Variants in TNFRSF13B observed in about 807,000 individuals in gnomAD.
TNFRSF13B encodes the protein tumor necrosis factor receptor superfamily member 13B.
A neutral mutation model predicts 24.0 loss-of-function variants in TNFRSF13B; 34 were observed. That is an observed-to-expected ratio of 1.41 (90% CI 1.08 to 1.88). TNFRSF13B has a LOEUF of 1.88. Among genes scored for constraint, TNFRSF13B ranks in the 40% most tolerant of loss-of-function variants. TNFRSF13B has a pLI of 0.00. For synonymous variants in TNFRSF13B, 173 were observed against 150.3 expected (o/e 1.15, Z -1.10); for missense variants, 415 against 380.8 (o/e 1.09, Z -0.75).
intron 1 of TNFRSF13B, among the ~76,000 whole-genome samples, chr17:16,971,522 G>T (rs951668004): frequency 4.6e-5 from 7 of 152,170 alleles, no homozygotes; most frequent in Admixed American, 1.3e-4. Context: ...AAAGACATTG[G>T]TGAGACAGTT....
Position 16,945,293 on chromosome 17 carries a change from TGGCAAGGGG to T in TNFRSF13B, c.445+3436_445+3444del, listed in dbSNP as rs148468738. On this transcript the variant is annotated intron_variant, in intron 3 of 4. Transcript: ENST00000261652. ...CTCCAAGGTTCTGCCCAGTGCCCTC[TGGCAAGGGG>T]GCTTGGCTGATGGTCACACACATGA... 6.8e-3 allele frequency among the ~76,000 whole-genome samples: 1,043 copies of T among 152,324 alleles called. 11 individuals are homozygous for T. The highest frequency in any genetic ancestry group is 0.024 in the African/African-American group (1,002 of 41,574).
At chr17:16,945,672 G>A (rs1456546584) in intron 3 of TNFRSF13B, among the ~76,000 whole-genome samples, 1 of 152,200 alleles carries the variant, frequency 6.6e-6, no homozygotes, top group Non-Finnish European at 1.5e-5. Flanking sequence ...ATGGCCCCTC[G>A]CATCTGTGGC....
chr17:16,966,839 C>CTT (rs71152837), intron 1 of TNFRSF13B, among the ~76,000 whole-genome samples: 5 of 47,296 alleles, frequency 1.1e-4, no homozygotes, highest in Non-Finnish European at 1.7e-4. Flanking sequence ...TTTCTTTTTT[C>CTT]TTTTTTTTTT....
chr17:16,953,482 G>A (rs1049322568), intron 1 of TNFRSF13B, among the ~76,000 whole-genome samples: 2 of 152,140 alleles, frequency 1.3e-5, no homozygotes, highest in Admixed American at 6.5e-5. Context: ...AGCCTCCCTG[G>A]GGTCCCCCGA....
chr17:16,971,949 G>A (rs1179930624), intron 1 of TNFRSF13B, 66 bp downstream of exon 1: 12 of 1,551,378 alleles, frequency 7.7e-6, no homozygotes, highest in Admixed American at 5.0e-5. Context: ...CAACCCCCAC[G>A]GCACTCAGGC....
At chr17:16,967,751 C>CAAAAAAAAAAAAAAAAAA (rs975103327) in intron 1 of TNFRSF13B, among the ~76,000 whole-genome samples, 2 of 24,500 alleles carry the variant, frequency 8.2e-5, no homozygotes, top group Admixed American at 5.0e-4. Flanking sequence ...GACTCCGTCT[C>CAAAAAAAAAAAAAAAAAA]AAAAAAAAAA....
Position 16,939,651 on chromosome 17 carries a change from C to T in TNFRSF13B, c.778G>A (p.Gly260Arg), listed in dbSNP as rs1472488426. ...AGGACTGTGGTCCTGGTGTGGCACC[C>T]CCACCTTCCAGCACAAGTGGGGTCG... ...TPDPTCAGRW[G>R]CHTRTTVLQP... Residue 260 changes from glycine (G) to arginine (R), a missense_variant, in exon 5 of 5, where the codon GGG (glycine) becomes AGG (arginine). Gly to Arg is a moderately radical substitution (Grantham distance 125). Transcript: ENST00000261652. 1.2e-6 allele frequency: 2 copies of T among 1,612,692 alleles called. No homozygotes were observed. Among genetic ancestry groups the T allele is most frequent in the Admixed American group, 3.3e-5 (2 of 59,926 alleles).
chr17:16,971,273 C>T (rs982943434), intron 1 of TNFRSF13B, among the ~76,000 whole-genome samples: 9 of 151,876 alleles, frequency 5.9e-5, no homozygotes, highest in Non-Finnish European at 8.8e-5. Context: ...GGCTTGAACC[C>T]GGGAGGCGGA....
At chr17:16,961,439 C>A (rs1245600424) in intron 1 of TNFRSF13B, among the ~76,000 whole-genome samples, 1 of 152,174 alleles carries the variant, frequency 6.6e-6, no homozygotes, top group East Asian at 1.9e-4. Flanking sequence ...ATACATGCTA[C>A]AATGTGGATA....
chr17:16,970,672 T>G (rs1005476053), intron 1 of TNFRSF13B, among the ~76,000 whole-genome samples: 2 of 148,376 alleles, frequency 1.3e-5, no homozygotes, highest in African/African-American at 4.9e-5. Flanking sequence ...AGTGGGCCAG[T>G]GGACAACCGG....
chr17:16,952,149 C>A (rs2087593387), intron 2 of TNFRSF13B, among the ~76,000 whole-genome samples: 1 of 152,146 alleles, frequency 6.6e-6, no homozygotes, highest in Non-Finnish European at 1.5e-5. Context: ...GACGTTTGGG[C>A]TGAGACCTGA....
intron 1 of TNFRSF13B, among the ~76,000 whole-genome samples, chr17:16,970,637 G>T (rs2087737176): frequency 6.6e-6 from 1 of 152,102 alleles, no homozygotes; most frequent in Non-Finnish European, 1.5e-5. Flanking sequence ...TACACTGAGG[G>T]GAAGCGGCTC....
Position 16,972,109 on chromosome 17 carries a change from A to C in TNFRSF13B, c.-34T>G. 6.2e-7 allele frequency: 1 copy of C among 1,612,890 alleles called. No individual in the cohort carries two copies. Among genetic ancestry groups the C allele is most frequent in the Non-Finnish European group, 8.5e-7 (1 of 1,179,958 alleles). ...ATGCTTATTACTAGTCTTAGATTTG[A>C]TTAGTGCTTGGGCTGCACTTCCTGG... On this transcript the variant is annotated 5_prime_UTR_variant, in exon 1 of 5. Coordinates refer to ENST00000261652, the MANE Select transcript of TNFRSF13B (RefSeq NM_012452.3).
At chr17:16,960,148 T>C (rs1164755532) in intron 1 of TNFRSF13B, among the ~76,000 whole-genome samples, 1 of 151,882 alleles carries the variant, frequency 6.6e-6, no homozygotes, top group East Asian at 1.9e-4. Flanking sequence ...GAATGAATAA[T>C]AAAACTTAGT....
intron 1 of TNFRSF13B, among the ~76,000 whole-genome samples, chr17:16,962,715 A>G (rs943958016): frequency 6.6e-6 from 1 of 152,136 alleles, no homozygotes; most frequent in Non-Finnish European, 1.5e-5. Context: ...CAGTGAGCAA[A>G]GGCAAAAACA....
At chr17:16,969,657 A>T (rs1467139657) in intron 1 of TNFRSF13B, among the ~76,000 whole-genome samples, 2 of 152,240 alleles carry the variant, frequency 1.3e-5, no homozygotes, top group Non-Finnish European at 2.9e-5. Flanking sequence ...TATGCTTTAC[A>T]CAGGTGAATT....
chr17:16,949,101 TC>T, intron 2 of TNFRSF13B, 118 bp from the exon 3 acceptor site: 1 of 1,383,178 alleles, frequency 7.2e-7, no homozygotes, highest in Non-Finnish European at 1.0e-6. Flanking sequence ...AGAAGGCAAT[TC>T]CAGAGTAAGC....
intron 3 of TNFRSF13B, chr17:16,941,581 G>A (rs920144232): frequency 7.1e-6 from 7 of 987,082 alleles, no homozygotes; most frequent in African/African-American, 1.7e-5. Flanking sequence ...TCATCTTCCC[G>A]CTCTGATGGC....
At position 16,939,770 on chromosome 17, in the gene TNFRSF13B, A is replaced by G. The variant is rs56063729; in HGVS notation, c.659T>C (p.Val220Ala). Residue 220 changes from valine (V) to alanine (A), a missense_variant, in exon 5 of 5, where the codon GTG (valine) becomes GCG (alanine). Physicochemically the swap from Val to Ala is moderately conservative, Grantham distance 64 (BLOSUM62 0). Coordinates refer to ENST00000261652, the MANE Select transcript of TNFRSF13B (RefSeq NM_012452.3). The stretch of plus-strand genomic sequence containing the variant: ...CTCCACTGGCTCGGGGGATGTGCTC[A>G]CAGGGCTGCCGGCTTCCATCGCGTG... ...QDHAMEAGSP[V>A]STSPEPVETC... The G allele has an allele frequency of 0.018, 28,433 of 1,611,396 alleles. 319 individuals carry two copies. Among genetic ancestry groups the G allele is most frequent in the Non-Finnish European group, 0.02 (23,463 of 1,178,942 alleles).
Sources: allele counts gnomAD v4.1 joint callset (sites outside exome capture counted in the v4.1 genomes callset), GRCh38; gene constraint gnomAD v4.1.1; transcripts MANE v1.5; gene names NCBI Gene and HGNC (gene_info 2026-07-23, HGNC 2026-07-21).